The following USP50 variants were observed in gnomAD, a reference collection of about 807,000 sequenced individuals.
The protein encoded by USP50 is ubiquitin carboxyl-terminal hydrolase 50.
USP50 carries 37 observed loss-of-function variants against 39.2 expected under a neutral mutation model. The observed-to-expected ratio is 0.94, with a 90% CI of 0.73 to 1.24. USP50 has a LOEUF of 1.24. USP50 is among the 50% of genes most tolerant of loss of function. The pLI is 0.00. For missense variants in USP50, 374 were observed against 398.2 expected (o/e 0.94, Z 0.52); for synonymous variants, 139 against 144.5 (o/e 0.96, Z 0.27).
intron 6 of USP50, chr15:50,507,852 C>CTT: frequency 6.6e-6 from 1 of 151,998 alleles, no homozygotes. Flanking sequence ...AGGCGAATCA[C>CTT]GAGGTCAGGA....
rs905720081 is a variant in USP50, at chr15:50,518,454, G to A, written c.936+11343C>T. The stretch of plus-strand genomic sequence containing the variant: ...TCTCGATCTCCTGACCTCGTGATCC[G>A]CCCACCTCGGCCTCCCAAAGTGCTG... On this transcript the variant is annotated intron_variant, in intron 6 of 6. Coordinates refer to ENST00000532404, the MANE Select transcript of USP50 (RefSeq NM_203494.5). Among the ~76,000 whole-genome samples, 7 of 151,350 alleles carry A rather than the reference G, an allele frequency of 4.6e-5. No individual in the cohort carries two copies. The South Asian group carries it at 8.3e-4, about 18-fold the overall frequency.
chr15:50,497,427 G>A (rs2052459836), downstream of USP50: 1 of 453,102 alleles, frequency 2.2e-6, no homozygotes. Context: ...ACAGCAAAAT[G>A]ACAATACCAC....
At chr15:50,496,818 C>T (rs1337643926), downstream of USP50, 3 of 286,920 alleles carry the variant, frequency 1.0e-5, no homozygotes, top group Non-Finnish European at 1.9e-5. Flanking sequence ...AATGTCATTT[C>T]CTCCAACAGG....
intron 6 of USP50, chr15:50,514,191 C>T (rs995158540): frequency 3.9e-5 from 6 of 152,114 alleles, no homozygotes; most frequent in Non-Finnish European, 5.9e-5. Flanking sequence ...TCCATTTATA[C>T]GAAGCATAAA....
chr15:50,499,066 G>A (rs748213555), downstream of USP50: 11 of 1,610,532 alleles, frequency 6.8e-6, no homozygotes, highest in East Asian at 6.7e-5. Context: ...TTGGGACCAC[G>A]AGTAACTGAT....
intron 6 of USP50, among the ~76,000 whole-genome samples, chr15:50,526,797 G>C (rs2052901807): frequency 6.6e-6 from 1 of 152,184 alleles, no homozygotes. Flanking sequence ...CTCTTTGTAG[G>C]CAGTATGATT....
Position 50,500,728 on chromosome 15 carries a change from G to A in USP50, c.*41C>T. ...GAGATCCATAGCATTTTGAACAGAA[G>A]TATCTGGAATCTCACTGACTCGTGT... On this transcript the variant is annotated 3_prime_UTR_variant, in exon 7 of 7. Coordinates refer to ENST00000532404, the MANE Select transcript of USP50 (RefSeq NM_203494.5). 1 of 1,540,688 alleles carries A rather than the reference G, an allele frequency of 6.5e-7. No individual in the cohort carries two copies. The highest frequency in any genetic ancestry group is 8.8e-7 in the Non-Finnish European group (1 of 1,133,094).
At chr15:50,495,845 C>A, downstream of USP50, 1 of 1,602,774 alleles carries the variant, frequency 6.2e-7, no homozygotes, top group East Asian at 2.2e-5. Flanking sequence ...ATTTTATTTC[C>A]AGGCTGATAA....
chr15:50,544,655 CTG>C lies in USP50; in HGVS notation c.178_179del (p.Gln60ValfsTer27), dbSNP rs1445885019. 1 of 1,613,824 alleles carries C rather than the reference CTG, an allele frequency of 6.2e-7. No homozygotes were observed. The highest frequency in any genetic ancestry group is 8.5e-7 in the Non-Finnish European group (1 of 1,179,886). ...CCAGCGGCAAGATGCTGCAGAGACA[CTG>C]TGAGATGGCATTCACGCAGCATGTG... ...GNTCCVNAIS[Q>X]CLCSILPLVE... On this transcript the variant is annotated frameshift_variant, in exon 2 of 7. Transcript: ENST00000532404. LOFTEE classifies it high-confidence loss of function.
At chr15:50,545,275 G>T (rs987321362) in intron 1 of USP50, among the ~76,000 whole-genome samples, 1 of 151,782 alleles carries the variant, frequency 6.6e-6, no homozygotes, top group Non-Finnish European at 1.5e-5. Flanking sequence ...AGTGAGCCTG[G>T]CACTATTTAA....
chr15:50,503,996 A>G (rs2052624925), intron 6 of USP50: 1 of 152,226 alleles, frequency 6.6e-6, no homozygotes, highest in Non-Finnish European at 1.5e-5. Context: ...AACTAAATAG[A>G]ATTTTCAGAA....
intron 5 of USP50, chr15:50,532,305 C>T (rs1340391344): frequency 4.5e-6 from 2 of 442,822 alleles, no homozygotes; most frequent in African/African-American, 2.0e-5. Flanking sequence ...ACAGGAGAAA[C>T]TCATTAACCA....
intron 5 of USP50, among the ~76,000 whole-genome samples, chr15:50,531,007 A>G (rs1476055569): frequency 1.3e-5 from 2 of 152,066 alleles, no homozygotes; most frequent in Non-Finnish European, 2.9e-5. Context: ...GTATTGTTAC[A>G]TGGATCCTAA....
chr15:50,501,480 G>T (rs775355168), intron 6 of USP50: 1 of 151,178 alleles, frequency 6.6e-6, no homozygotes, highest in South Asian at 2.1e-4. Context: ...TCTTAAAATT[G>T]TAAGTTCATT....
At chr15:50,499,648 A>G (rs2052541764), downstream of USP50, 2 of 151,888 alleles carry the variant, frequency 1.3e-5, no homozygotes, top group South Asian at 4.1e-4. Flanking sequence ...GGGCAAAGCA[A>G]TTTTTCTGTT....
At chr15:50,528,422 A>G (rs1207830429) in intron 6 of USP50, among the ~76,000 whole-genome samples, 2 of 152,128 alleles carry the variant, frequency 1.3e-5, no homozygotes, top group African/African-American at 2.4e-5. Flanking sequence ...AATTATTAAT[A>G]CAAGAGGGAG....
intron 6 of USP50, among the ~76,000 whole-genome samples, chr15:50,521,488 A>G (rs1202738850): frequency 6.6e-6 from 1 of 152,250 alleles, no homozygotes; most frequent in Non-Finnish European, 1.5e-5. Context: ...CCAAGGCACT[A>G]GAGAAAGAAC....
intron 6 of USP50, among the ~76,000 whole-genome samples, chr15:50,521,119 G>A (rs3098191): frequency 0.49 from 75,043 of 151,936 alleles, 18,910 homozygotes; most frequent in East Asian, 0.57. Context: ...TCAGCTCACT[G>A]CAACCTCCAC....
chr15:50,494,797 C>T (rs2052311111), intron 1 of USP50, among the ~76,000 whole-genome samples: 1 of 152,100 alleles, frequency 6.6e-6, no homozygotes, highest in South Asian at 2.1e-4. Flanking sequence ...GGTGGATCAC[C>T]TGAGGTCAGG....
Sources: allele counts gnomAD v4.1 joint callset (sites outside exome capture counted in the v4.1 genomes callset), GRCh38; gene constraint gnomAD v4.1.1; transcripts MANE v1.5; gene names NCBI Gene and HGNC (gene_info 2026-07-23, HGNC 2026-07-21).